The following NDFIP1 variants were observed in gnomAD, a reference collection of about 807,000 sequenced individuals.
The protein encoded by NDFIP1 is NEDD4 family-interacting protein 1.
Under a neutral mutation model 28.8 loss-of-function variants are expected in NDFIP1, and 7 were observed. The observed-to-expected ratio is 0.24, with a 90% CI of 0.14 to 0.46. The LOEUF (loss-of-function observed/expected upper bound fraction) is 0.46. Ranked by LOEUF, NDFIP1 falls within the 20% of genes least tolerant of loss-of-function variation. The pLI is 0.99. For missense variants in NDFIP1, 194 were observed against 269.1 expected, an observed-to-expected ratio of 0.72 and a Z score of 1.95; for synonymous variants, 92 against 101.0, an observed-to-expected ratio of 0.91 and a Z score of 0.53.
At chr5:142,130,616 A>C (rs1421000989) in intron 1 of NDFIP1, among the ~76,000 whole-genome samples, 1 of 152,172 alleles carries the variant, frequency 6.6e-6, no homozygotes, top group African/African-American at 2.4e-5. Context: ...AATTTTAAAA[A>C]AAGTTAGCCA....
At chr5:142,128,707 T>C (rs1435610516) in intron 1 of NDFIP1, among the ~76,000 whole-genome samples, 2 of 152,264 alleles carry the variant, frequency 1.3e-5, no homozygotes, top group African/African-American at 4.8e-5. Flanking sequence ...CTTGGGATTA[T>C]ACCATAGTCA....
At chr5:142,110,598 T>C (rs1276551474) in intron 1 of NDFIP1, among the ~76,000 whole-genome samples, 3 of 152,054 alleles carry the variant, frequency 2.0e-5, no homozygotes, top group Non-Finnish European at 4.4e-5. Flanking sequence ...TTATGCAGAA[T>C]TGAAGTATAA....
chr5:142,113,224 T>C (rs763119207), intron 1 of NDFIP1, among the ~76,000 whole-genome samples: 15 of 152,218 alleles, frequency 9.9e-5, no homozygotes, highest in Admixed American at 6.5e-5. Context: ...ATAGTGCAGA[T>C]TTTGGAATGG....
Position 142,139,968 on chromosome 5 carries a change from AAAC to A in NDFIP1, c.496-594_496-592del, listed in dbSNP as rs565290365. On this transcript the variant is annotated intron_variant, in intron 5 of 7. Transcript: ENST00000253814. ...TATGTGGGGAAAATGTTTTCTAAAA[AAAC>A]CAATTTTTGTATACTTTCAAAATAA... is the stretch of plus-strand genomic sequence containing the variant. 3.9e-4 allele frequency among the ~76,000 whole-genome samples: 60 copies of A among 152,330 alleles called. 1 individual carries two copies. The highest frequency in any genetic ancestry group is 3.9e-3 in the Admixed American group (59 of 15,298).
intron 7 of NDFIP1, among the ~76,000 whole-genome samples, chr5:142,150,546 C>T (rs754982568): frequency 1.3e-5 from 2 of 151,830 alleles, no homozygotes; most frequent in Non-Finnish European, 2.9e-5. Context: ...TAAATACTTA[C>T]GCAGTAATCT....
At chr5:142,114,352 T>C (rs1462041354) in intron 1 of NDFIP1, among the ~76,000 whole-genome samples, 1 of 152,344 alleles carries the variant, frequency 6.6e-6, no homozygotes, top group East Asian at 1.9e-4. Context: ...TTATTGGCCA[T>C]TGATATTTTC....
intron 1 of NDFIP1, among the ~76,000 whole-genome samples, chr5:142,114,279 C>A (rs1757043198): frequency 6.6e-6 from 1 of 152,084 alleles, no homozygotes. Context: ...GAAGTGGTAT[C>A]TCATTGCAGT....
chr5:142,141,229 G>A (rs942844160), intron 6 of NDFIP1, among the ~76,000 whole-genome samples: 4 of 131,790 alleles, frequency 3.0e-5, no homozygotes, highest in African/African-American at 8.4e-5. Flanking sequence ...AGGCTGGAGT[G>A]CAGTGGCGTG....
intron 1 of NDFIP1, among the ~76,000 whole-genome samples, chr5:142,109,913 G>A (rs1756995439): frequency 6.6e-6 from 1 of 152,192 alleles, no homozygotes; most frequent in African/African-American, 2.4e-5. Flanking sequence ...ATTGAGCCAG[G>A]TGGTAAACTG....
intron 7 of NDFIP1, among the ~76,000 whole-genome samples, chr5:142,148,916 C>T (rs977660066): frequency 6.6e-6 from 1 of 152,142 alleles, no homozygotes; most frequent in Non-Finnish European, 1.5e-5. Context: ...ACCACCTCCT[C>T]TGATGCTGCC....
chr5:142,123,609 C>T (rs535251075), intron 1 of NDFIP1, among the ~76,000 whole-genome samples: 29 of 152,072 alleles, frequency 1.9e-4, no homozygotes, highest in African/African-American at 6.0e-4. Flanking sequence ...AATCTATATA[C>T]GGGGTCTTGA....
In NDFIP1 at chr5:142,153,519, G is replaced by T; in HGVS notation, c.*1791G>T. ...TCAATGATCCCTCTAACCAGTTTAT[G>T]GATTATTATGAATAATAGTGTAGTG... On this transcript the variant is annotated 3_prime_UTR_variant, in exon 8 of 8. Transcript: ENST00000253814. The T allele has an allele frequency of 4.8e-6, 2 of 415,306 alleles. No homozygotes were observed. Among genetic ancestry groups the T allele is most frequent in the South Asian group, 1.7e-5 (1 of 57,154 alleles). The allele number at this position is 415,306 out of a possible 1,614,324, so 25.7% of individuals were successfully genotyped here. A position where few individuals can be genotyped will look rare whatever the true frequency, so the allele number is the denominator to read the frequency against.
chr5:142,139,342 A>C (rs1240611339), intron 5 of NDFIP1, among the ~76,000 whole-genome samples: 1 of 150,642 alleles, frequency 6.6e-6, no homozygotes, highest in Non-Finnish European at 1.5e-5. Context: ...TTAAACGGGG[A>C]AATTTTATTT....
At chr5:142,138,945 C>T (rs575790924) in intron 5 of NDFIP1, among the ~76,000 whole-genome samples, 3 of 149,700 alleles carry the variant, frequency 2.0e-5, no homozygotes, top group South Asian at 2.1e-4. Flanking sequence ...GGGCCGGGTG[C>T]GGTGGCTCAC....
At chr5:142,147,026 G>A (rs529217907) in intron 7 of NDFIP1, among the ~76,000 whole-genome samples, 5 of 152,232 alleles carry the variant, frequency 3.3e-5, no homozygotes, top group South Asian at 4.1e-4. Flanking sequence ...AGGAGTGTAC[G>A]TTAAGAGTTG....
chr5:142,122,277 T>C (rs927177713), intron 1 of NDFIP1, among the ~76,000 whole-genome samples: 3 of 152,242 alleles, frequency 2.0e-5, no homozygotes, highest in Non-Finnish European at 4.4e-5. Context: ...AATCATACAG[T>C]AAATACTGTT....
chr5:142,130,370 A>G (rs1757214729), intron 1 of NDFIP1, among the ~76,000 whole-genome samples: 1 of 152,230 alleles, frequency 6.6e-6, no homozygotes, highest in South Asian at 2.1e-4. Context: ...GAAAAGGGAT[A>G]TCTATTGACA....
intron 5 of NDFIP1, 157 bp downstream of exon 5, chr5:142,138,015 A>C: frequency 2.4e-6 from 2 of 844,130 alleles, no homozygotes; most frequent in Non-Finnish European, 3.5e-6. Context: ...AACCAAAATC[A>C]TTTGCAAATG....
intron 1 of NDFIP1, among the ~76,000 whole-genome samples, chr5:142,123,632 G>A (rs1301872719): frequency 6.6e-6 from 1 of 152,118 alleles, no homozygotes; most frequent in Admixed American, 6.5e-5. Flanking sequence ...GGTTAAAACA[G>A]AATGTATTTA....
Sources: gnomAD v4.1 joint callset for allele counts (sites outside exome capture counted in the v4.1 genomes callset) on GRCh38, gnomAD v4.1.1 for gene constraint, MANE v1.5 for transcripts, NCBI Gene and HGNC (gene_info 2026-07-23, HGNC 2026-07-21) for gene names.